The following RGS22 variants were observed in gnomAD, a reference collection of about 807,000 sequenced individuals.
RGS22 encodes the protein regulator of G protein signaling 22.
A neutral mutation model predicts 172.9 loss-of-function variants in RGS22; 148 were observed. The ratio of observed to expected loss-of-function variants is 0.86; its 90% CI spans 0.75 to 0.98. The LOEUF (loss-of-function observed/expected upper bound fraction) is 0.98. RGS22 is among the 50% of genes least tolerant of loss of function. The pLI, the probability that RGS22 is intolerant of heterozygous loss-of-function variation, is 0.00. For synonymous variants in RGS22, 458 were observed against 480.2 expected (o/e 0.95, Z 0.60); for missense variants, 1,347 against 1,440.8 (o/e 0.93, Z 1.05).
intron 9 of RGS22, among the ~76,000 whole-genome samples, chr8:100,056,978 C>T (rs970059040): frequency 1.1e-4 from 16 of 152,190 alleles, no homozygotes; most frequent in Non-Finnish European, 1.8e-4. Flanking sequence ...TCAATGCCAG[C>T]CCATGAAGGC....
intron 3 of RGS22, among the ~76,000 whole-genome samples, chr8:100,082,721 G>A (rs866479462): frequency 7.2e-5 from 11 of 152,158 alleles, no homozygotes; most frequent in African/African-American, 1.7e-4. Flanking sequence ...ACTGCCTCAC[G>A]TATGACAAAA....
At position 100,064,050 on chromosome 8, in the gene RGS22, T is replaced by A. The variant is rs1810360992; in HGVS notation, c.725-7A>T. ...TCATCAAAGATAAAATTCTCTGTAT[T>A]AAGTCATAAAAAGCTATTAGATTAG... On this transcript the variant is annotated splice_polypyrimidine_tract_variant and splice_region_variant and intron_variant, in intron 7 of 27. Coordinates refer to ENST00000360863, the MANE Select transcript of RGS22 (RefSeq NM_015668.5). 2.7e-6 allele frequency: 4 copies of A among 1,489,832 alleles called. No homozygotes were observed. The highest frequency in any genetic ancestry group is 3.6e-6 in the Non-Finnish European group (4 of 1,124,280). The allele number at this position is 1,489,832 out of a possible 1,614,324, so 92.3% of individuals were successfully genotyped here.
chr8:99,987,918 G>T (rs1813285009), intron 20 of RGS22, among the ~76,000 whole-genome samples: 1 of 151,930 alleles, frequency 6.6e-6, no homozygotes, highest in African/African-American at 2.4e-5. Context: ...TGCATTGTAT[G>T]AGTTCTGTGC....
chr8:99,991,291 C>T (rs1362049673), intron 20 of RGS22, among the ~76,000 whole-genome samples: 2 of 152,158 alleles, frequency 1.3e-5, no homozygotes, highest in Non-Finnish European at 2.9e-5. Context: ...AAGTAGGCTT[C>T]AGAAGGTTGG....
At chr8:100,046,841 C>T (rs1430811477) in intron 11 of RGS22, among the ~76,000 whole-genome samples, 2 of 150,974 alleles carry the variant, frequency 1.3e-5, no homozygotes, top group African/African-American at 4.9e-5. Context: ...TTTTAGATGG[C>T]GCCTCACTCT....
chr8:100,081,342 G>GTA (rs1489593501), intron 3 of RGS22, among the ~76,000 whole-genome samples: 1 of 138,048 alleles, frequency 7.2e-6, no homozygotes, highest in Non-Finnish European at 1.5e-5. Context: ...AGAAGTATGT[G>GTA]TATATATGTG....
At chr8:100,037,873 A>G (rs2131584675) in intron 14 of RGS22, among the ~76,000 whole-genome samples, 1 of 152,312 alleles carries the variant, frequency 6.6e-6, no homozygotes, top group African/African-American at 2.4e-5. Context: ...TCATGATTTC[A>G]TGGAGACAGA....
intron 23 of RGS22, among the ~76,000 whole-genome samples, chr8:99,972,874 A>T (rs1456095751): frequency 1.3e-5 from 2 of 151,920 alleles, no homozygotes; most frequent in Non-Finnish European, 2.9e-5. Context: ...TCTACTAAAA[A>T]TACAAAAAAA....
At chr8:100,093,603 CA>C in intron 2 of RGS22, 94 bp from the exon 3 acceptor site, 2 of 798,972 alleles carry the variant, frequency 2.5e-6, no homozygotes, top group Admixed American at 4.7e-5. Flanking sequence ...TTTATTATCA[CA>C]TAGATCTTCA....
intron 16 of RGS22, chr8:100,004,778 G>A (rs1329662505): frequency 1.3e-5 from 2 of 150,880 alleles, no homozygotes; most frequent in Admixed American, 6.6e-5. Context: ...AGTAATACAA[G>A]CTACTAATCT....
intron 19 of RGS22, 102 bp downstream of exon 19, chr8:99,999,158 TAA>T (rs754246728): frequency 0.015 from 12,593 of 852,532 alleles, no homozygotes; most frequent in East Asian, 0.019. Context: ...GCCCATTCCT[TAA>T]AAAAAAAAAA....
chr8:100,000,477 T>C (rs1347149944), intron 18 of RGS22, among the ~76,000 whole-genome samples: 1 of 152,170 alleles, frequency 6.6e-6, no homozygotes, highest in East Asian at 1.9e-4. Flanking sequence ...TATAAAACAA[T>C]GTGATGCAGA....
At chr8:100,014,771 C>T (rs903354405) in intron 14 of RGS22, among the ~76,000 whole-genome samples, 3 of 152,132 alleles carry the variant, frequency 2.0e-5, no homozygotes, top group African/African-American at 7.2e-5. Context: ...CCAAGCACTC[C>T]CTCACAGGAT....
At chr8:100,088,899 G>T (rs928738653) in intron 3 of RGS22, among the ~76,000 whole-genome samples, 1 of 151,902 alleles carries the variant, frequency 6.6e-6, no homozygotes, top group African/African-American at 2.4e-5. Context: ...TACACTCTAG[G>T]GCTTAGGCTA....
At position 99,978,019 on chromosome 8, in the gene RGS22, C is replaced by T. The variant is rs1812170311; in HGVS notation, c.3417G>A (p.Lys1139=). 3.2e-6 allele frequency: 5 copies of T among 1,544,824 alleles called. No individual in the cohort carries two copies. The highest frequency in any genetic ancestry group is 2.4e-5 in the East Asian group (1 of 40,896). Residue 1139 remains lysine (K), a synonymous_variant, in exon 23 of 28, where the codon AAG becomes AAA. Coordinates refer to ENST00000360863, the MANE Select transcript of RGS22 (RefSeq NM_015668.5). ...KFWPQFCEFR[K]NLTDENIMSV... Reference sequence around the variant, plus strand: ...TCATAATATTTTCATCTGTTAAATTCTTCCTAAACTCACAGAACTGAGGCC... The same window carrying T: ...TCATAATATTTTCATCTGTTAAATTTTTCCTAAACTCACAGAACTGAGGCC...
chr8:100,093,589 C>T (rs534587568), intron 2 of RGS22, 80 bp from the exon 3 acceptor site: 76 of 928,716 alleles, frequency 8.2e-5, no homozygotes, highest in Middle Eastern at 2.3e-4. Flanking sequence ...ATTTCTGCTA[C>T]GAATTTATTA....
Position 100,101,348 on chromosome 8 carries a change from G to A in RGS22, c.54+4026C>T, listed in dbSNP as rs530634997. On this transcript the variant is annotated intron_variant, in intron 2 of 27. Coordinates refer to ENST00000360863, the MANE Select transcript of RGS22 (RefSeq NM_015668.5). ...GTTGCCCAGGCTGGAGTGTGGTGGC[G>A]TGATCTCAGCTCGCTGCAACCTCTG... Among the ~76,000 whole-genome samples, 737 of 150,036 alleles carry A rather than the reference G, an allele frequency of 4.9e-3. 5 individuals carry two copies. Among genetic ancestry groups the A allele is most frequent in the African/African-American group, 0.017 (698 of 40,730 alleles).
At chr8:100,031,266 A>G (rs918713417) in intron 14 of RGS22, among the ~76,000 whole-genome samples, 1 of 152,134 alleles carries the variant, frequency 6.6e-6, no homozygotes, top group Non-Finnish European at 1.5e-5. Flanking sequence ...TCAATGCCAC[A>G]TTCTGTGATT....
At chr8:100,038,251 C>A (rs1482835196) in intron 14 of RGS22, among the ~76,000 whole-genome samples, 1 of 152,122 alleles carries the variant, frequency 6.6e-6, no homozygotes, top group Non-Finnish European at 1.5e-5. Flanking sequence ...GCTTGAGTCA[C>A]AATTCTGCTC....
Sources: allele counts gnomAD v4.1 joint callset (sites outside exome capture counted in the v4.1 genomes callset), GRCh38; gene constraint gnomAD v4.1.1; transcripts MANE v1.5; gene names NCBI Gene and HGNC (gene_info 2026-07-23, HGNC 2026-07-21).